CLDN16: variants seen among roughly 807,000 people sequenced by gnomAD.
CLDN16 encodes claudin 16, also known as claudin-16.
Under a neutral mutation model 24.6 loss-of-function variants are expected in CLDN16, and 13 were observed. The ratio of observed to expected loss-of-function variants is 0.53; its 90% CI spans 0.34 to 0.84. CLDN16 has a LOEUF of 0.84. Ranked by LOEUF, CLDN16 falls within the 40% of genes least tolerant of loss-of-function variation. The probability of loss-of-function intolerance (pLI) is 0.01; values close to 1 mark genes in which losing one functional copy is unlikely to be tolerated. For synonymous variants in CLDN16, 116 were observed against 106.7 expected, an observed-to-expected ratio of 1.09 and a Z score of -0.54; for missense variants, 298 against 292.7, an observed-to-expected ratio of 1.02 and a Z score of -0.13.
intron 2 of CLDN16, chr3:190,371,016 T>TTATTTATATATATATATATATATA (rs1335823851): frequency 6.5e-4 from 9 of 13,866 alleles, no homozygotes; most frequent in African/African-American, 1.3e-3. Flanking sequence ...GTTAATACCT[T>TTATTTATATATATATATATATATA]TATATATATA....
upstream of CLDN16, chr3:190,322,399 G>C: frequency 1.6e-6 from 1 of 618,572 alleles, no homozygotes; most frequent in South Asian, 1.9e-5. Flanking sequence ...CGGCGCTGGA[G>C]TCTGGATACT....
At chr3:190,344,548 C>A (rs1717511344) in intron 1 of CLDN16, among the ~76,000 whole-genome samples, 1 of 151,414 alleles carries the variant, frequency 6.6e-6, no homozygotes, top group Non-Finnish European at 1.5e-5. Context: ...TCTGTAAATG[C>A]ATTTGTATAA....
upstream of CLDN16, among the ~76,000 whole-genome samples, chr3:190,383,325 G>A (rs1718412234): frequency 6.6e-6 from 1 of 152,122 alleles, no homozygotes; most frequent in Admixed American, 6.6e-5. Flanking sequence ...TAAGCCTAAA[G>A]AACAAGGCTT....
chr3:190,313,057 A>G, the CLDN16 span: 2 of 1,614,024 alleles, frequency 1.2e-6, no homozygotes, highest in East Asian at 4.5e-5. Context: ...ACATTTTAAA[A>G]CATGTAAAAA....
intron 1 of CLDN16, among the ~76,000 whole-genome samples, chr3:190,333,931 A>C (rs1297413335): frequency 6.6e-6 from 1 of 152,164 alleles, no homozygotes; most frequent in East Asian, 1.9e-4. Context: ...AATTTTATGA[A>C]AATTTTAGGT....
the CLDN16 span, among the ~76,000 whole-genome samples, chr3:190,315,197 C>T: frequency 6.6e-6 from 1 of 152,244 alleles, no homozygotes; most frequent in Non-Finnish European, 1.5e-5. Context: ...ATATTTCAGG[C>T]AGAGATATGC....
chr3:190,349,029 G>A lies in CLDN16; in HGVS notation n.122-21864G>A, dbSNP rs778952899. ...TTTCATGGCTGCGTAATATACCAGC[G>A]TGTATATGTACCACATTTTCTTTAT... is the stretch of plus-strand genomic sequence containing the variant. On this transcript the variant is annotated intron_variant and non_coding_transcript_variant, in intron 1 of 4. Transcript: ENST00000468220. Among the ~76,000 whole-genome samples the A allele has an allele frequency of 4.3e-4, 66 of 152,164 alleles. 1 individual carries two copies. Among genetic ancestry groups the A allele is most frequent in the East Asian group, 5.8e-4 (3 of 5,200 alleles).
chr3:190,322,404 G>A (rs1560077520), upstream of CLDN16: 2 of 610,784 alleles, frequency 3.3e-6, no homozygotes, highest in South Asian at 3.9e-5. Context: ...CTGGAGTCTG[G>A]ATACTAGAAG....
chr3:190,358,577 G>A (rs1314472488), intron 1 of CLDN16, among the ~76,000 whole-genome samples: 2 of 151,920 alleles, frequency 1.3e-5, no homozygotes, highest in Non-Finnish European at 2.9e-5. Flanking sequence ...TAGGATGATT[G>A]CAAATTGTGT....
intron 1 of CLDN16, among the ~76,000 whole-genome samples, chr3:190,352,893 T>C (rs1216729616): frequency 6.6e-6 from 1 of 152,072 alleles, no homozygotes; most frequent in East Asian, 1.9e-4. Context: ...CTAAATTATT[T>C]CATATTTCCC....
At chr3:190,308,590 C>A in the CLDN16 span, 1 of 754,226 alleles carries the variant, frequency 1.3e-6, no homozygotes, top group Admixed American at 2.5e-5. Context: ...GATTTCTGAA[C>A]ATACACGCCA....
chr3:190,387,857 A>G (rs529833458), upstream of CLDN16: 2 of 522,398 alleles, frequency 3.8e-6, no homozygotes, highest in East Asian at 3.3e-5. Flanking sequence ...AATAACACTC[A>G]GTCAACCGTG....
chr3:190,335,057 C>CTTTTTTTTTTTTTTTTTTTTTTT (rs1560081025), intron 1 of CLDN16, among the ~76,000 whole-genome samples: 1 of 138,244 alleles, frequency 7.2e-6, no homozygotes. Context: ...TGTTTGTTTG[C>CTTTTTTTTTTTTTTTTTTTTTTT]TTTTGAGATG....
chr3:190,404,866 G>A lies in CLDN16; in HGVS notation c.322G>A (p.Asp108Asn). The stretch of plus-strand genomic sequence containing the variant: ...TCTTGACTGCGTGAAATTCCTCCCT[G>A]ATGAGCCGTACATTAAAGTCCGCAT... ...LGLDCVKFLPDEPYIKVRICF... is the reference protein window; with the variant it reads ...LGLDCVKFLPNEPYIKVRICF... The change falls in exon 3 of 5, where the codon GAT (aspartate) becomes AAT (asparagine). Residue 108 changes from aspartate (D) to asparagine (N), a missense_variant. Physicochemically the swap from Asp to Asn is conservative, Grantham distance 23. Coordinates refer to ENST00000264734, the MANE Select transcript of CLDN16 (RefSeq NM_006580.4). The A allele has an allele frequency of 6.2e-7, 1 of 1,614,096 alleles. No homozygotes were observed. The highest frequency in any genetic ancestry group is 1.1e-5 in the South Asian group (1 of 91,078).
intron 1 of CLDN16, among the ~76,000 whole-genome samples, chr3:190,391,943 G>A (rs921128773): frequency 6.6e-6 from 1 of 151,688 alleles, no homozygotes; most frequent in African/African-American, 2.4e-5. Flanking sequence ...TCAAGCGTAT[G>A]TTTGCATCTT....
chr3:190,400,925 A>G (rs1339185253), intron 1 of CLDN16, among the ~76,000 whole-genome samples: 1 of 152,162 alleles, frequency 6.6e-6, no homozygotes, highest in Non-Finnish European at 1.5e-5. Context: ...TATCTCCTCC[A>G]TTAACTATGC....
At position 190,409,891 on chromosome 3, in the gene CLDN16, T is replaced by G. The variant is rs1437338252; in HGVS notation, c.575-12T>G. On this transcript the variant is annotated splice_polypyrimidine_tract_variant and intron_variant, in intron 4 of 4. Transcript: ENST00000264734. ...ACTGAGTTCTACTTATTTTTATATT[T>G]CTTTCAAACAGATGTTGGACCTGAG... The G allele has an allele frequency of 6.2e-7, 1 of 1,613,280 alleles. No homozygotes were observed. The highest frequency in any genetic ancestry group is 8.5e-7 in the Non-Finnish European group (1 of 1,179,246).
At position 190,388,262 on chromosome 3, in the gene CLDN16, C is replaced by T. The variant is rs749083950; in HGVS notation, c.-68C>T. The T allele has an allele frequency of 6.2e-7, 1 of 1,610,038 alleles. No homozygotes were observed. On this transcript the variant is annotated 5_prime_UTR_variant, in exon 1 of 5. Coordinates refer to ENST00000264734, the MANE Select transcript of CLDN16 (RefSeq NM_006580.4). Reference sequence around the variant, plus strand: ...GTACCAGAAACACAGAAGACTGACACCCGCCACTTAAGTGGGGCCAGGGCT... The same window carrying T: ...GTACCAGAAACACAGAAGACTGACATCCGCCACTTAAGTGGGGCCAGGGCT...
rs370173498 is a variant in CLDN16, at chr3:190,401,569, G to A, written c.115-768G>A. ...TTCTAAGAAATCTATTGTGACTTAC[G>A]GTTTGTAGATAAAGTATGAGAAGGT... On this transcript the variant is annotated intron_variant, in intron 1 of 4. Transcript: ENST00000264734. Among the ~76,000 whole-genome samples the A allele has an allele frequency of 3.9e-5, 6 of 152,174 alleles. No homozygotes were observed. In the South Asian group the frequency reaches 6.2e-4, roughly 16 times the overall value.
Sources: allele counts gnomAD v4.1 joint callset (sites outside exome capture counted in the v4.1 genomes callset), GRCh38; gene constraint gnomAD v4.1.1; transcripts MANE v1.5; gene names NCBI Gene and HGNC (gene_info 2026-07-23, HGNC 2026-07-21).